Variants in PPP2R2B observed in about 807,000 individuals in gnomAD.
PPP2R2B encodes the protein serine/threonine-protein phosphatase 2A 55 kDa regulatory subunit B beta isoform.
PPP2R2B carries 5 observed loss-of-function variants against 46.0 expected under a neutral mutation model. The observed-to-expected ratio is 0.11, with a 90% CI of 0.06 to 0.23. The LOEUF (loss-of-function observed/expected upper bound fraction) is 0.23, where lower values mean the gene tolerates loss of function less well. PPP2R2B is among the 10% of genes least tolerant of loss of function. The pLI is 1.00. For synonymous variants in PPP2R2B, 215 were observed against 206.7 expected (o/e 1.04, Z -0.34); for missense variants, 367 against 575.0 (o/e 0.64, Z 3.70).
intron 5 of PPP2R2B, among the ~76,000 whole-genome samples, chr5:146,660,866 A>G (rs1343243785): frequency 6.6e-6 from 1 of 152,226 alleles, no homozygotes; most frequent in Non-Finnish European, 1.5e-5. Flanking sequence ...TACACAGTGA[A>G]CAAAAGAGAT....
At chr5:146,999,627 C>T (rs1386110092) in intron 1 of PPP2R2B, among the ~76,000 whole-genome samples, 1 of 151,998 alleles carries the variant, frequency 6.6e-6, no homozygotes, top group South Asian at 2.1e-4. Context: ...TTGTATGACA[C>T]CAGGAATAAA....
At chr5:146,838,072 T>C (rs1759401902) in intron 2 of PPP2R2B, among the ~76,000 whole-genome samples, 2 of 152,166 alleles carry the variant, frequency 1.3e-5, no homozygotes, top group Non-Finnish European at 2.9e-5. Context: ...TCCTATGGCG[T>C]TAAAGAAATC....
intron 2 of PPP2R2B, among the ~76,000 whole-genome samples, chr5:146,873,601 C>A (rs1424244219): frequency 1.3e-5 from 2 of 152,128 alleles, no homozygotes; most frequent in South Asian, 2.1e-4. Flanking sequence ...ATAGACCCAC[C>A]ACCTCAATTT....
intron 2 of PPP2R2B, among the ~76,000 whole-genome samples, chr5:147,078,961 T>C (rs1474903581): frequency 2.6e-5 from 4 of 152,182 alleles, no homozygotes. Flanking sequence ...AGCTTCATTT[T>C]CTTAAGATCC....
intron 2 of PPP2R2B, among the ~76,000 whole-genome samples, chr5:146,741,305 T>C (rs1272666652): frequency 6.6e-6 from 1 of 152,210 alleles, no homozygotes; most frequent in African/African-American, 2.4e-5. Flanking sequence ...TAATACAGTG[T>C]CTTAACCTAA....
chr5:147,060,923 G>T (rs1757238939), upstream of PPP2R2B, among the ~76,000 whole-genome samples: 1 of 152,146 alleles, frequency 6.6e-6, no homozygotes, highest in African/African-American at 2.4e-5. Context: ...GTACATGCTG[G>T]ATTGAATTGA....
intron 2 of PPP2R2B, among the ~76,000 whole-genome samples, chr5:146,739,879 T>A (rs1752761866): frequency 6.6e-6 from 1 of 152,220 alleles, no homozygotes; most frequent in Non-Finnish European, 1.5e-5. Flanking sequence ...TCTGTGGGAA[T>A]CCTTTGTAGA....
intron 2 of PPP2R2B, among the ~76,000 whole-genome samples, chr5:146,773,197 A>C (rs368457702): frequency 6.6e-6 from 1 of 152,234 alleles, no homozygotes; most frequent in East Asian, 1.9e-4. Context: ...TAAGGGATTA[A>C]ACAGTATTAT....
chr5:146,699,776 G>T (rs1463879246), intron 3 of PPP2R2B, among the ~76,000 whole-genome samples: 1 of 150,368 alleles, frequency 6.7e-6, no homozygotes, highest in Non-Finnish European at 1.5e-5. Flanking sequence ...TTTGCAGAGA[G>T]AGCCAGTCCA....
intron 2 of PPP2R2B, among the ~76,000 whole-genome samples, chr5:147,078,570 G>A (rs530350879): frequency 9.4e-4 from 143 of 152,148 alleles, no homozygotes; most frequent in African/African-American, 3.3e-3. Flanking sequence ...GGCGGATCAC[G>A]AGGTCAGGAG....
intron 1 of PPP2R2B, among the ~76,000 whole-genome samples, chr5:147,041,333 A>G (rs1756287245): frequency 1.3e-5 from 2 of 152,142 alleles, no homozygotes; most frequent in Admixed American, 6.5e-5. Context: ...CAAGGGAGAA[A>G]ATTGACATTG....
At chr5:146,729,729 A>G (rs932120308) in intron 2 of PPP2R2B, among the ~76,000 whole-genome samples, 1 of 152,192 alleles carries the variant, frequency 6.6e-6, no homozygotes, top group African/African-American at 2.4e-5. Flanking sequence ...GGCAGCTTCC[A>G]TGTGGTATTG....
At chr5:146,874,003 T>C (rs530497212) in intron 2 of PPP2R2B, among the ~76,000 whole-genome samples, 1 of 152,348 alleles carries the variant, frequency 6.6e-6, no homozygotes, top group East Asian at 1.9e-4. Context: ...CCCTTCTACC[T>C]AAAATGCTTT....
intron 1 of PPP2R2B, chr5:146,914,165 A>T (rs1763291469): frequency 1.3e-5 from 2 of 152,244 alleles, no homozygotes; most frequent in South Asian, 2.1e-4. Flanking sequence ...TCAGAAAATG[A>T]TGCAATAATT....
rs1757060179 is a variant in PPP2R2B at position 146,804,543 on chromosome 5, T to C, written c.70+73459A>G. Among the ~76,000 whole-genome samples, 3 of 152,184 alleles carry C rather than the reference T, an allele frequency of 2.0e-5. No individual in the cohort carries two copies. In the South Asian group the frequency reaches 6.2e-4, roughly 32 times the overall value. On this transcript the variant is annotated intron_variant, in intron 2 of 9. Transcript: ENST00000394411. ...AACATAAACACCTTGAGAGCCAGGG[T>C]TGTGACTTGTCACTCAATAAATATT...
chr5:146,994,009 A>G, intron 1 of PPP2R2B, among the ~76,000 whole-genome samples: 1 of 151,980 alleles, frequency 6.6e-6, no homozygotes, highest in East Asian at 1.9e-4. Context: ...TGGGGTTTGG[A>G]CTCACTTCAG....
At chr5:147,051,063 C>A (rs1467701514) in intron 1 of PPP2R2B, among the ~76,000 whole-genome samples, 1 of 152,122 alleles carries the variant, frequency 6.6e-6, no homozygotes, top group Non-Finnish European at 1.5e-5. Flanking sequence ...ATGAGTAGGG[C>A]AGAATTCCTG....
intron 2 of PPP2R2B, among the ~76,000 whole-genome samples, chr5:146,794,937 A>G (rs1756430762): frequency 6.6e-6 from 1 of 152,168 alleles, no homozygotes; most frequent in African/African-American, 2.4e-5. Flanking sequence ...CAAGACAATG[A>G]ATAGTGGTGT....
intron 7 of PPP2R2B, among the ~76,000 whole-genome samples, chr5:146,630,824 C>T (rs1431272638): frequency 6.6e-6 from 1 of 152,332 alleles, no homozygotes; most frequent in South Asian, 2.1e-4. Flanking sequence ...ATGTGCCAGG[C>T]ATCATTCTAA....
Sources: gnomAD v4.1 joint callset for allele counts (sites outside exome capture counted in the v4.1 genomes callset) on GRCh38, gnomAD v4.1.1 for gene constraint, MANE v1.5 for transcripts, NCBI Gene and HGNC (gene_info 2026-07-23, HGNC 2026-07-21) for gene names.